MTMR12: variants seen among roughly 807,000 people sequenced by gnomAD.
MTMR12 encodes myotubularin related protein 12.
In MTMR12, 33 loss-of-function variants were observed where a neutral mutation model predicts 96.7. That is an observed-to-expected ratio of 0.34 (90% CI 0.26 to 0.46). The LOEUF is 0.46. MTMR12 is among the 20% of genes least tolerant of loss of function. The pLI is 1.00. For synonymous variants in MTMR12, 298 were observed against 327.2 expected (o/e 0.91, Z 0.96); for missense variants, 721 against 896.1 (o/e 0.80, Z 2.49).
At chr5:32,238,941 T>C in intron 13 of MTMR12, 60 bp downstream of exon 13, 4 of 1,444,586 alleles carry the variant, frequency 2.8e-6, no homozygotes, top group Non-Finnish European at 3.7e-6. Context: ...TGACAGGTAT[T>C]AAATAAGAGA....
intron 1 of MTMR12, among the ~76,000 whole-genome samples, chr5:32,284,451 G>A (rs1750442693): frequency 6.6e-6 from 1 of 152,106 alleles, no homozygotes; most frequent in Non-Finnish European, 1.5e-5. Flanking sequence ...AAGCTTAATG[G>A]AAAGACTATT....
Position 32,312,719 on chromosome 5 carries a change from G to T in MTMR12, c.81+39C>A. 1 of 1,435,544 alleles carries T rather than the reference G, an allele frequency of 7.0e-7. No individual in the cohort carries two copies. Among genetic ancestry groups the T allele is most frequent in the Non-Finnish European group, 9.1e-7 (1 of 1,095,402 alleles). 88.9% of individuals were successfully genotyped at this position (1,435,544 alleles called of 1,614,324 possible). ...GCTCCCGGCGCCCCTCGCCCCGGCC[G>T]CCCCTGCCCGACGCCCCGCCTGCGC... On this transcript the variant is annotated intron_variant, in intron 1 of 15. Transcript: ENST00000382142. This position sits in a 1 kb window ranked among gnomAD's most constrained non-coding sequence, Gnocchi z 5.0.
chr5:32,248,820 T>G lies in MTMR12; in HGVS notation c.848A>C (p.Lys283Thr), dbSNP rs774574509. The change falls in exon 9 of 16, where the codon AAA (lysine) becomes ACA (threonine). Residue 283 changes from lysine (K) to threonine (T), a missense_variant. Transcript: ENST00000382142. ...TTGTAAAATGCCGTCATCCTGTTCTTTGGGCAGTGCTGACATTTTCAAAAG... is the reference window on the plus strand; with the variant it reads ...TTGTAAAATGCCGTCATCCTGTTCTGTGGGCAGTGCTGACATTTTCAAAAG... ...SALLKMSALP[K>T]EQDDGILQIQ... 46 of 1,614,200 alleles carry G rather than the reference T, an allele frequency of 2.8e-5. No homozygotes were observed. The South Asian group carries it at 4.9e-4, about 17-fold the overall frequency.
Position 32,276,672 on chromosome 5 carries a change from T to C in MTMR12, c.142+10A>G. On this transcript the variant is annotated intron_variant, in intron 2 of 15. Transcript: ENST00000382142. ...TTGCATAGGAGTTACTATGCTAACA[T>C]GACAGTTACCTGGCAACAAGTGAAG... is the stretch of plus-strand genomic sequence containing the variant. 6.2e-7 allele frequency: 1 copy of C among 1,611,822 alleles called. No individual in the cohort carries two copies. The highest frequency in any genetic ancestry group is 8.5e-7 in the Non-Finnish European group (1 of 1,177,934).
In MTMR12 at chr5:32,248,855, A is replaced by G. The variant is rs143961755; in HGVS notation, c.813T>C (p.Asn271=). Reference sequence around the variant, plus strand: ...CTGACATTTTCAAAAGGGCACTTCCATTGTGGCAGGACCAACACCATATCT... The same window carrying G: ...CTGACATTTTCAAAAGGGCACTTCCGTTGTGGCAGGACCAACACCATATCT... The part of the protein sequence containing the change: ...GIPIWCWSCH[N]GSALLKMSAL... Residue 271 remains asparagine, a synonymous_variant, in exon 9 of 16, where the codon AAT becomes AAC. Coordinates refer to ENST00000382142, the MANE Select transcript of MTMR12 (RefSeq NM_001040446.3). 2 of 1,613,984 alleles carry G rather than the reference A, an allele frequency of 1.2e-6. No homozygotes were observed. Among genetic ancestry groups the G allele is most frequent in the African/African-American group, 2.7e-5 (2 of 74,944 alleles).
At position 32,230,324 on chromosome 5, in the gene MTMR12, T is replaced by C. The variant is rs748981980; in HGVS notation, c.1698A>G (p.Pro566=). ...RFKHQRQLSL[P]LTQSKSSPKR... The stretch of plus-strand genomic sequence containing the variant: ...TGGGAGATGACTTAGATTGTGTAAG[T>C]GGCAAAGAAAGTTGTCGTTGATGCT... The change falls in exon 16 of 16, where the codon CCA becomes CCG. Residue 566 remains proline, a synonymous_variant. Coordinates refer to ENST00000382142, the MANE Select transcript of MTMR12 (RefSeq NM_001040446.3). The C allele has an allele frequency of 3.7e-6, 6 of 1,603,058 alleles. No homozygotes were observed. The highest frequency in any genetic ancestry group is 5.1e-6 in the Non-Finnish European group (6 of 1,176,686).
chr5:32,248,645 T>A (rs963653021), intron 9 of MTMR12, 127 bp downstream of exon 9: 21 of 692,066 alleles, frequency 3.0e-5, no homozygotes, highest in South Asian at 1.4e-4. Flanking sequence ...ATGATCACTG[T>A]TAAGTTGTAT....
intron 10 of MTMR12, among the ~76,000 whole-genome samples, chr5:32,244,111 A>G (rs532539923): frequency 6.6e-6 from 1 of 152,236 alleles, no homozygotes; most frequent in South Asian, 2.1e-4. Flanking sequence ...GAAATCCAAT[A>G]TATTTAAAAG....
chr5:32,245,138 C>T (rs1013832858), intron 10 of MTMR12, among the ~76,000 whole-genome samples: 37 of 152,128 alleles, frequency 2.4e-4, no homozygotes, highest in African/African-American at 8.9e-4. Flanking sequence ...CGGGTTCAAG[C>T]GATTCTTCTG....
At chr5:32,284,247 G>A (rs1209417536) in intron 1 of MTMR12, among the ~76,000 whole-genome samples, 1 of 149,184 alleles carries the variant, frequency 6.7e-6, no homozygotes, top group Non-Finnish European at 1.5e-5. Context: ...CAGCCTGGGA[G>A]GTCAAGGCTG....
chr5:32,301,765 C>T (rs930419345), intron 1 of MTMR12, among the ~76,000 whole-genome samples: 5 of 152,108 alleles, frequency 3.3e-5, no homozygotes, highest in African/African-American at 9.7e-5. Flanking sequence ...GTGGCACACC[C>T]CTGTAACCCT....
At chr5:32,264,424 A>C (rs1349307572) in intron 6 of MTMR12, among the ~76,000 whole-genome samples, 30 of 152,118 alleles carry the variant, frequency 2.0e-4, no homozygotes, top group Admixed American at 2.0e-3. Context: ...GTGCTTATAT[A>C]GCACTTACTA....
Position 32,230,254 on chromosome 5 carries a change from G to A in MTMR12, c.1768C>T (p.Leu590Phe). The A allele has an allele frequency of 6.2e-7, 1 of 1,614,128 alleles. No individual in the cohort carries two copies. The highest frequency in any genetic ancestry group is 8.5e-7 in the Non-Finnish European group (1 of 1,180,006). ...REETDHLIKNLLGKRISKLIN... is the reference protein window; with the variant it reads ...REETDHLIKNFLGKRISKLIN... ...AGTTTGCTAATTCTCTTGCCCAGAA[G>A]GTTTTTAATTAAATGATCTGTTTCT... The change falls in exon 16 of 16, where the codon CTT becomes TTT. Residue 590 changes from leucine (L) to phenylalanine (F), a missense_variant. Coordinates refer to ENST00000382142, the MANE Select transcript of MTMR12 (RefSeq NM_001040446.3).
Position 32,274,082 on chromosome 5 carries a change from A to G in MTMR12, c.183T>C (p.Tyr61=), listed in dbSNP as rs1209847637. The change falls in exon 3 of 16, where the codon TAT becomes TAC. Residue 61 remains tyrosine (Y), a synonymous_variant. Coordinates refer to ENST00000382142, the MANE Select transcript of MTMR12 (RefSeq NM_001040446.3). ...CATGCTGACAGGAATCTTCCTGGAC[A>G]TACTTCAGTACTGTGCTGGCTTCAC... ...LLCEASTVLK[Y]VQEDSCQHGV... 4.3e-6 allele frequency: 7 copies of G among 1,614,104 alleles called. No homozygotes were observed. The highest frequency in any genetic ancestry group is 5.9e-6 in the Non-Finnish European group (7 of 1,180,040).
chr5:32,266,236 G>A (rs1043844286), intron 6 of MTMR12, among the ~76,000 whole-genome samples: 5 of 151,984 alleles, frequency 3.3e-5, no homozygotes, highest in African/African-American at 7.3e-5. Context: ...TTAACTTTAC[G>A]CTTCTTGAGG....
chr5:32,294,253 A>T (rs1293033619), intron 1 of MTMR12, among the ~76,000 whole-genome samples: 1 of 152,036 alleles, frequency 6.6e-6, no homozygotes, highest in African/African-American at 2.4e-5. Flanking sequence ...CCCCTTTGCT[A>T]GATACCCAAA....
chr5:32,287,289 C>T (rs1372515553), intron 1 of MTMR12, among the ~76,000 whole-genome samples: 1 of 152,180 alleles, frequency 6.6e-6, no homozygotes, highest in African/African-American at 2.4e-5. Context: ...CAGCCTTAAT[C>T]TGGTGGACCA....
At chr5:32,276,828 A>T in intron 1 of MTMR12, 86 bp from the exon 2 acceptor site, 1 of 990,284 alleles carries the variant, frequency 1.0e-6, no homozygotes, top group Admixed American at 2.1e-5. Context: ...ATACACACTA[A>T]AATATCACAT....
Position 32,299,604 on chromosome 5 carries a change from A to G in MTMR12, c.81+13154T>C, listed in dbSNP as rs538336132. Among the ~76,000 whole-genome samples, 48 of 152,324 alleles carry G rather than the reference A, an allele frequency of 3.2e-4. 1 individual carries two copies. The highest frequency in any genetic ancestry group is 2.1e-3 in the Admixed American group (32 of 15,296). On this transcript the variant is annotated intron_variant, in intron 1 of 15. Transcript: ENST00000382142. ...AGAAGTTAAAAGGCTTGGAGCAGGA[A>G]GAAGGCAAGAGGAACCAGGGACAGA...
Sources: gnomAD v4.1 joint callset for allele counts (sites outside exome capture counted in the v4.1 genomes callset) on GRCh38, gnomAD v4.1.1 for gene constraint, Gnocchi (gnomAD v3.1) non-coding constraint, MANE v1.5 for transcripts, NCBI Gene and HGNC (gene_info 2026-07-23, HGNC 2026-07-21) for gene names.